The following GNB1 variants were observed in gnomAD, a reference collection of about 807,000 sequenced individuals.
GNB1 encodes the protein G protein subunit beta 1.
Under a neutral mutation model 42.9 loss-of-function variants are expected in GNB1, and 2 were observed. The observed-to-expected ratio is 0.05, with a 90% CI of 0.02 to 0.15. The LOEUF is 0.15. Ranked by LOEUF, GNB1 falls within the 10% of genes least tolerant of loss-of-function variation. The probability of loss-of-function intolerance (pLI) is 1.00; values close to 1 mark genes in which losing one functional copy is unlikely to be tolerated. For synonymous variants in GNB1, 183 were observed against 174.7 expected (o/e 1.05, Z -0.38); for missense variants, 193 against 462.2 (o/e 0.42, Z 5.34).
At position 1,789,325 on chromosome 1, in the gene GNB1, G is replaced by A. The variant is rs763777729; in HGVS notation, c.700-56C>T. The stretch of plus-strand genomic sequence containing the variant: ...GTAAACGCTCAGAAAGAAACATTGG[G>A]AATATGGATTGCTCAATGGTAGGGC... On this transcript the variant is annotated intron_variant, in intron 9 of 11. Transcript: ENST00000378609. 1.2e-5 allele frequency: 12 copies of A among 973,824 alleles called. No homozygotes were observed. In the Middle Eastern group the frequency reaches 1.0e-3, roughly 84 times the overall value. 60.3% of individuals were successfully genotyped at this position (973,824 alleles called of 1,614,324 possible).
intron 1 of GNB1, among the ~76,000 whole-genome samples, chr1:1,845,374 C>T (rs979743953): frequency 1.3e-5 from 2 of 152,068 alleles, no homozygotes; most frequent in African/African-American, 4.8e-5. Context: ...GAGATTGAGA[C>T]CATCCTAGCT....
chr1:1,834,202 G>A (rs1471861911), intron 2 of GNB1, among the ~76,000 whole-genome samples: 2 of 152,082 alleles, frequency 1.3e-5, no homozygotes, highest in Middle Eastern at 3.2e-3. Context: ...AAAGCCCTCA[G>A]AAGGCAATTC....
chr1:1,881,481 G>A (rs946890053), intron 1 of GNB1, among the ~76,000 whole-genome samples: 14 of 151,184 alleles, frequency 9.3e-5, no homozygotes, highest in African/African-American at 3.2e-4. Context: ...TTGGGTCACT[G>A]CAACCTCCGC....
chr1:1,796,803 T>C (rs1057098816), intron 7 of GNB1, among the ~76,000 whole-genome samples: 6 of 152,142 alleles, frequency 3.9e-5, no homozygotes, highest in African/African-American at 1.2e-4. Context: ...TCTGGTCATA[T>C]AGGCAGTGGG....
intron 4 of GNB1, 71 bp from the exon 5 acceptor site, chr1:1,815,933 C>T: frequency 1.0e-6 from 1 of 964,210 alleles, no homozygotes; most frequent in Non-Finnish European, 1.6e-6. Context: ...CCATCCTTGT[C>T]AAGGCTGTTG....
intron 1 of GNB1, among the ~76,000 whole-genome samples, chr1:1,864,314 CA>C (rs1173466617): frequency 1.2e-3 from 44 of 37,936 alleles, no homozygotes; most frequent in Admixed American, 3.4e-3. Context: ...AAGACTCTCT[CA>C]AAAAAAAAAA....
chr1:1,810,721 G>A (rs1570650902), intron 5 of GNB1, among the ~76,000 whole-genome samples: 1 of 151,828 alleles, frequency 6.6e-6, no homozygotes, highest in Admixed American at 6.6e-5. Context: ...AGGTTGGAGT[G>A]CAGTGGTGCA....
chr1:1,837,998 T>C (rs58504995), intron 2 of GNB1, among the ~76,000 whole-genome samples: 1 of 150,890 alleles, frequency 6.6e-6, no homozygotes, highest in Non-Finnish European at 1.5e-5. Flanking sequence ...AGGTCAGGAG[T>C]TCGAGACCAG....
At chr1:1,856,211 C>G (rs896977679) in intron 1 of GNB1, among the ~76,000 whole-genome samples, 1 of 152,184 alleles carries the variant, frequency 6.6e-6, no homozygotes, top group African/African-American at 2.4e-5. Context: ...CAGAGATGGG[C>G]TGGTCTCGCT....
chr1:1,795,587 A>C (rs1646535399), intron 7 of GNB1, among the ~76,000 whole-genome samples: 1 of 152,094 alleles, frequency 6.6e-6, no homozygotes, highest in Admixed American at 6.6e-5. Flanking sequence ...GTCTCTACTA[A>C]AAATATAAAA....
intron 5 of GNB1, among the ~76,000 whole-genome samples, chr1:1,807,931 G>C (rs1307593582): frequency 1.3e-5 from 2 of 151,982 alleles, no homozygotes; most frequent in African/African-American, 4.8e-5. Flanking sequence ...GGATGGTCTC[G>C]ATCTCCTGAC....
At chr1:1,873,857 T>C (rs1238256880) in intron 1 of GNB1, among the ~76,000 whole-genome samples, 1 of 152,030 alleles carries the variant, frequency 6.6e-6, no homozygotes, top group Non-Finnish European at 1.5e-5. Flanking sequence ...TGGACAATTC[T>C]CCATGGTGGA....
At chr1:1,795,210 C>T (rs984924006) in intron 7 of GNB1, among the ~76,000 whole-genome samples, 2 of 152,156 alleles carry the variant, frequency 1.3e-5, no homozygotes, top group African/African-American at 2.4e-5. Flanking sequence ...TGCTGTCGTG[C>T]CCCGCAGCTC....
chr1:1,840,363 C>T (rs926873249), intron 1 of GNB1, among the ~76,000 whole-genome samples: 1 of 152,108 alleles, frequency 6.6e-6, no homozygotes, highest in African/African-American at 2.4e-5. Context: ...CTCATCTCTA[C>T]TAAAAATACA....
At chr1:1,866,871 G>A (rs754616668) in intron 1 of GNB1, among the ~76,000 whole-genome samples, 8 of 151,676 alleles carry the variant, frequency 5.3e-5, no homozygotes, top group Non-Finnish European at 1.0e-4. Context: ...GGAGAATGGC[G>A]TCAACCCGGG....
In GNB1 at chr1:1,787,786, C is replaced by T. The variant is rs896071070; in HGVS notation, c.917-349G>A. On this transcript the variant is annotated intron_variant, in intron 10 of 11. Coordinates refer to ENST00000378609, the MANE Select transcript of GNB1 (RefSeq NM_002074.5). This position sits in a 1 kb window ranked among gnomAD's most constrained non-coding sequence, Gnocchi z 4.4. ...GTGGCTTAGGCCTGTAATCCCAGCA[C>T]GTTGGAAGGCCGAGGCAGGCAGATC... is the stretch of plus-strand genomic sequence containing the variant. 3.3e-5 allele frequency among the ~76,000 whole-genome samples: 5 copies of T among 152,248 alleles called. No homozygotes were observed. Among genetic ancestry groups the T allele is most frequent in the East Asian group, 1.9e-4 (1 of 5,192 alleles).
intron 1 of GNB1, among the ~76,000 whole-genome samples, chr1:1,880,647 C>T (rs917575766): frequency 6.6e-6 from 1 of 152,082 alleles, no homozygotes; most frequent in African/African-American, 2.4e-5. Context: ...ATTCCTGAAA[C>T]TGTCTCAGGA....
intron 5 of GNB1, among the ~76,000 whole-genome samples, chr1:1,811,079 A>AT (rs1375859183): frequency 0.025 from 775 of 31,182 alleles, 6 homozygotes; most frequent in South Asian, 0.069. Context: ...ACATATATAT[A>AT]TATTTTTTTT....
chr1:1,842,045 C>T (rs988163861), intron 1 of GNB1, among the ~76,000 whole-genome samples: 3 of 152,232 alleles, frequency 2.0e-5, no homozygotes, highest in Non-Finnish European at 2.9e-5. Context: ...TGGTGGCTCA[C>T]GCCTGTAATC....
Sources: allele counts gnomAD v4.1 joint callset (sites outside exome capture counted in the v4.1 genomes callset), GRCh38; gene constraint gnomAD v4.1.1; non-coding constraint Gnocchi (gnomAD v3.1); transcripts MANE v1.5; gene names NCBI Gene and HGNC (gene_info 2026-07-23, HGNC 2026-07-21).